The following PTCH1 variants were observed in gnomAD, a reference collection of about 807,000 sequenced individuals.
PTCH1 encodes patched 1, also known as protein patched homolog 1.
A neutral mutation model predicts 144.6 loss-of-function variants in PTCH1; 14 were observed. The observed-to-expected ratio is 0.10, with a 90% CI of 0.06 to 0.15. The LOEUF (loss-of-function observed/expected upper bound fraction) is 0.15. PTCH1 is among the 10% of genes least tolerant of loss of function. The pLI, the probability that PTCH1 is intolerant of heterozygous loss-of-function variation, is 1.00. For synonymous variants in PTCH1, 833 were observed against 793.6 expected (o/e 1.05, Z -0.83); for missense variants, 1,623 against 1,948.3 (o/e 0.83, Z 3.14).
upstream of PTCH1, among the ~76,000 whole-genome samples, chr9:95,513,710 G>C (rs1412221326): frequency 6.6e-6 from 1 of 152,148 alleles, no homozygotes; most frequent in Non-Finnish European, 1.5e-5. Flanking sequence ...AAAGGTTTCA[G>C]GGAAGTCGGG....
intron 13 of PTCH1, 73 bp from the exon 14 acceptor site, chr9:95,469,226 A>T (rs1379012983): frequency 6.3e-7 from 1 of 1,588,078 alleles, no homozygotes; most frequent in Non-Finnish European, 8.6e-7. Flanking sequence ...GCCATTTTTC[A>T]CTGTGTACGG....
At chr9:95,459,979 G>T in intron 16 of PTCH1, 196 bp from the exon 17 acceptor site, 1 of 661,714 alleles carries the variant, frequency 1.5e-6, no homozygotes, top group Non-Finnish European at 2.7e-6. Context: ...TGCAATCACT[G>T]GCGTGTTTAT....
intron 2 of PTCH1, among the ~76,000 whole-genome samples, chr9:95,487,315 A>T (rs530134508): frequency 6.6e-6 from 1 of 152,344 alleles, no homozygotes; most frequent in South Asian, 2.1e-4. Flanking sequence ...ATAAAAAGGA[A>T]TAAGACTTCT....
chr9:95,470,270 A>C (rs914554682), intron 12 of PTCH1, among the ~76,000 whole-genome samples: 6 of 152,260 alleles, frequency 3.9e-5, no homozygotes, highest in African/African-American at 1.4e-4. Context: ...AATTTAAAAC[A>C]AACAGAAGCA....
In PTCH1 at chr9:95,447,219, GAACGGGCCCCGCGAGGGCCCC is replaced by G. The variant is rs1301602095; in HGVS notation, c.4016_4036del (p.Trp1339_Arg1345del). ...GGACGCTGGGTTCCGAGGGTTGTGA[GAACGGGCCCCGCGAGGGCCCC>G]AGCGGGCCCTATTGCTAGGGCCAGA... On this transcript the variant is annotated inframe_deletion, in exon 23 of 24. Transcript: ENST00000331920. 2.5e-6 allele frequency: 4 copies of G among 1,612,958 alleles called. No individual in the cohort carries two copies. Among genetic ancestry groups the G allele is most frequent in the South Asian group, 1.1e-5 (1 of 91,092 alleles).
At chr9:95,500,955 C>T (rs577431216) in intron 2 of PTCH1, among the ~76,000 whole-genome samples, 98 of 152,174 alleles carry the variant, frequency 6.4e-4, no homozygotes, top group Non-Finnish European at 1.3e-3. Context: ...TCTTTCGACC[C>T]ATCACGGTGT....
intron 18 of PTCH1, among the ~76,000 whole-genome samples, chr9:95,457,427 C>T (rs1274676007): frequency 6.6e-6 from 1 of 152,116 alleles, no homozygotes; most frequent in Non-Finnish European, 1.5e-5. Context: ...AAAGGCTATA[C>T]CATAGTTCAC....
chr9:95,516,204 C>A (rs993264613), intron 1 of PTCH1, among the ~76,000 whole-genome samples: 2 of 150,354 alleles, frequency 1.3e-5, no homozygotes, highest in East Asian at 3.9e-4. Context: ...GCCCCCTCCC[C>A]GCCACGCGGG....
At chr9:95,509,887 C>A (rs1265805872), upstream of PTCH1, among the ~76,000 whole-genome samples, 1 of 151,948 alleles carries the variant, frequency 6.6e-6, no homozygotes, top group Non-Finnish European at 1.5e-5. Context: ...TTGCAGGGAA[C>A]AACGCCTCGC....
intron 23 of PTCH1, 67 bp from the exon 24 acceptor site, chr9:95,446,458 A>T: frequency 1.9e-6 from 1 of 513,428 alleles, no homozygotes; most frequent in Non-Finnish European, 3.9e-6. Context: ...TTTATAAAGT[A>T]CAAAAGCAGG....
intron 2 of PTCH1, among the ~76,000 whole-genome samples, chr9:95,486,387 GATAA>G (rs1264487398): frequency 2.0e-5 from 3 of 152,258 alleles, no homozygotes; most frequent in Non-Finnish European, 2.9e-5. Context: ...GCCAGGAGAA[GATAA>G]ATAAAGTGAT....
At chr9:95,496,939 T>C (rs187426558) in intron 2 of PTCH1, among the ~76,000 whole-genome samples, 9 of 152,076 alleles carry the variant, frequency 5.9e-5, no homozygotes, top group African/African-American at 2.2e-4. Context: ...GGGGTGGGAA[T>C]GTGGAAGAAT....
Position 95,508,616 on chromosome 9 carries a change from C to T in PTCH1, c.-255G>A, listed in dbSNP as rs1843947659. On this transcript the variant is annotated 5_prime_UTR_variant, in exon 1 of 24. Coordinates refer to ENST00000331920, the MANE Select transcript of PTCH1 (RefSeq NM_000264.5). The stretch of plus-strand genomic sequence containing the variant: ...CTGCGCCTTCCATTGCCACATTGCG[C>T]GGGGGTCCCGAGGTCTCTGCGGCCG... 4.0e-6 allele frequency: 4 copies of T among 992,378 alleles called. No homozygotes were observed. The highest frequency in any genetic ancestry group is 4.8e-6 in the Non-Finnish European group (4 of 835,002). The allele number at this position is 992,378 out of a possible 1,614,324, so 61.5% of individuals were successfully genotyped here.
chr9:95,499,142 C>A (rs1213957496), intron 2 of PTCH1, among the ~76,000 whole-genome samples: 1 of 151,924 alleles, frequency 6.6e-6, no homozygotes, highest in Non-Finnish European at 1.5e-5. Context: ...CTCTCTCTGG[C>A]GGTGTGGTAT....
chr9:95,478,882 T>C, intron 8 of PTCH1, 118 bp downstream of exon 8: 1 of 1,491,740 alleles, frequency 6.7e-7, no homozygotes, highest in Non-Finnish European at 9.1e-7. Context: ...TCCCATCAAG[T>C]TCCCAGAATT....
chr9:95,479,917 G>A (rs2118383733), intron 7 of PTCH1, 52 bp downstream of exon 7: 1 of 1,613,894 alleles, frequency 6.2e-7, no homozygotes, highest in Admixed American at 1.7e-5. Flanking sequence ...AGTGGCTTTT[G>A]AGGAAAGGAA....
At chr9:95,514,946 CAG>C (rs1212596683) in intron 1 of PTCH1, among the ~76,000 whole-genome samples, 1 of 152,098 alleles carries the variant, frequency 6.6e-6, no homozygotes, top group Non-Finnish European at 1.5e-5. Context: ...TTAATTGAAA[CAG>C]ATCATGGACT....
At chr9:95,500,933 T>C (rs1378351756) in intron 2 of PTCH1, among the ~76,000 whole-genome samples, 1 of 152,322 alleles carries the variant, frequency 6.6e-6, no homozygotes, top group African/African-American at 2.4e-5. Flanking sequence ...CTTTCTTCCA[T>C]GGCCTCTTTC....
At chr9:95,492,364 T>C (rs1380255610) in intron 2 of PTCH1, among the ~76,000 whole-genome samples, 1 of 152,206 alleles carries the variant, frequency 6.6e-6, no homozygotes, top group East Asian at 1.9e-4. Flanking sequence ...AAGAAAATGA[T>C]TGCTTATCGG....
Sources: gnomAD v4.1 joint callset for allele counts (sites outside exome capture counted in the v4.1 genomes callset) on GRCh38, gnomAD v4.1.1 for gene constraint, MANE v1.5 for transcripts, NCBI Gene and HGNC (gene_info 2026-07-23, HGNC 2026-07-21) for gene names.